Variants in LRBA observed in about 807,000 individuals in gnomAD.
LRBA encodes the protein LPS responsive beige-like anchor protein.
Under a neutral mutation model 330.0 loss-of-function variants are expected in LRBA, and 176 were observed. That is an observed-to-expected ratio of 0.53 (90% CI 0.47 to 0.60). LRBA has a LOEUF of 0.60. Among genes scored for constraint, LRBA ranks in the 20% least tolerant of loss-of-function variants. The probability of loss-of-function intolerance (pLI) is 0.00; values close to 1 mark genes in which losing one functional copy is unlikely to be tolerated. For missense variants in LRBA, 3,259 were observed against 3,444.8 expected (o/e 0.95, Z 1.35); for synonymous variants, 1,230 against 1,193.0 (o/e 1.03, Z -0.64).
chr4:150,271,585 G>A (rs1161049726), intron 56 of LRBA, among the ~76,000 whole-genome samples: 4 of 140,370 alleles, frequency 2.8e-5, no homozygotes, highest in African/African-American at 1.2e-4. Flanking sequence ...CTCCCATGGA[G>A]CCCAGCAAGC....
At chr4:150,575,773 C>T (rs1770462254) in intron 40 of LRBA, among the ~76,000 whole-genome samples, 1 of 151,880 alleles carries the variant, frequency 6.6e-6, no homozygotes, top group African/African-American at 2.4e-5. Context: ...TCCTAAGAAA[C>T]ATATTCTACA....
At chr4:150,691,676 C>A (rs1423189433) in intron 36 of LRBA, among the ~76,000 whole-genome samples, 2 of 152,138 alleles carry the variant, frequency 1.3e-5, no homozygotes, top group African/African-American at 4.8e-5. Flanking sequence ...CTTACAGTAG[C>A]ATGTAGCAAT....
intron 30 of LRBA, among the ~76,000 whole-genome samples, chr4:150,823,457 C>A (rs1333889048): frequency 1.3e-5 from 2 of 152,052 alleles, no homozygotes; most frequent in Admixed American, 6.6e-5. Context: ...TGCATAAGTT[C>A]TGTAGCTTGA....
intron 40 of LRBA, among the ~76,000 whole-genome samples, chr4:150,562,449 A>C (rs1768487932): frequency 6.6e-6 from 1 of 152,174 alleles, no homozygotes; most frequent in African/African-American, 2.4e-5. Context: ...GATAATGGCA[A>C]TGTAAGTACA....
chr4:150,551,045 A>G (rs1766519699), intron 40 of LRBA, among the ~76,000 whole-genome samples: 1 of 152,130 alleles, frequency 6.6e-6, no homozygotes, highest in African/African-American at 2.4e-5. Flanking sequence ...CTGCCTTCAT[A>G]AATGGATTAA....
chr4:150,371,182 A>ATTTTTTTTTTT lies in LRBA; in HGVS notation c.7195-21034_7195-21024dup, dbSNP rs70937395. On this transcript the variant is annotated intron_variant, in intron 47 of 56. Coordinates refer to ENST00000651943, the MANE Select transcript of LRBA (RefSeq NM_001364905.1). ...AAAAGCATGAGCTGCAAGCTACTAAATTTTTTTTTTTTTTTTTTTTTTTTT... is the reference window on the plus strand; with the variant it reads ...AAAAGCATGAGCTGCAAGCTACTAAATTTTTTTTTTTTTTTTTTTTTTTTTTTTTTTTTTTT... 5.4e-4 allele frequency among the ~76,000 whole-genome samples: 50 copies of ATTTTTTTTTTT among 91,924 alleles called. 4 individuals carry two copies. The highest frequency in any genetic ancestry group is 2.2e-3 in the African/African-American group (46 of 20,824). The allele number at this position is 91,924 out of a possible 152,430, so 60.3% of individuals were successfully genotyped here. A position where few individuals can be genotyped will look rare whatever the true frequency, so the allele number is the denominator to read the frequency against.
intron 34 of LRBA, among the ~76,000 whole-genome samples, chr4:150,763,945 C>T (rs186532976): frequency 6.6e-6 from 1 of 151,978 alleles, no homozygotes; most frequent in East Asian, 1.9e-4. Flanking sequence ...GATGCCACAG[C>T]CAAACAACAC....
chr4:150,461,102 G>A (rs1754718299), intron 44 of LRBA, among the ~76,000 whole-genome samples: 1 of 151,670 alleles, frequency 6.6e-6, no homozygotes, highest in Admixed American at 6.6e-5. Context: ...CATAACCTGG[G>A]ATAAAGACAA....
chr4:150,586,508 G>GA (rs1406123989), intron 40 of LRBA, among the ~76,000 whole-genome samples: 1 of 152,124 alleles, frequency 6.6e-6, no homozygotes, highest in Non-Finnish European at 1.5e-5. Flanking sequence ...GTAGCTGACT[G>GA]AAAAATTGTT....
intron 29 of LRBA, 59 bp from the exon 30 acceptor site, chr4:150,828,680 A>T: frequency 7.0e-7 from 1 of 1,427,366 alleles, no homozygotes; most frequent in South Asian, 1.3e-5. Flanking sequence ...CTAATTTTTA[A>T]AAGGTATATT....
At chr4:150,830,180 G>A in intron 29 of LRBA, among the ~76,000 whole-genome samples, 1 of 152,228 alleles carries the variant, frequency 6.6e-6, no homozygotes, top group South Asian at 2.1e-4. Flanking sequence ...CCCTTGACAA[G>A]CCCTTGAATC....
intron 2 of LRBA, among the ~76,000 whole-genome samples, chr4:150,932,699 T>C (rs1232302957): frequency 1.3e-5 from 2 of 152,066 alleles, no homozygotes; most frequent in African/African-American, 4.8e-5. Flanking sequence ...GTGGATCCCT[T>C]GAGCGCAGGA....
chr4:150,395,704 T>C (rs1045236578), intron 47 of LRBA, among the ~76,000 whole-genome samples: 1 of 152,134 alleles, frequency 6.6e-6, no homozygotes, highest in Admixed American at 6.6e-5. Flanking sequence ...CCAAGCCTCA[T>C]CCCTGGCTAT....
intron 40 of LRBA, among the ~76,000 whole-genome samples, chr4:150,563,840 C>A (rs1768745524): frequency 6.6e-6 from 1 of 152,048 alleles, no homozygotes. Context: ...ATGTGAAGAA[C>A]CTCCTCAAGG....
intron 2 of LRBA, among the ~76,000 whole-genome samples, chr4:151,010,042 CG>C (rs1389187698): frequency 6.6e-6 from 1 of 151,508 alleles, no homozygotes; most frequent in Non-Finnish European, 1.5e-5. Flanking sequence ...TTAAAGTATA[CG>C]GAAGATACAT....
intron 36 of LRBA, chr4:150,721,306 T>G (rs1728895480): frequency 1.5e-5 from 5 of 344,148 alleles, no homozygotes; most frequent in Non-Finnish European, 2.8e-5. Context: ...CCCTGGGAAG[T>G]GAAAGTACTT....
chr4:150,461,003 A>G (rs1019675112), intron 44 of LRBA, among the ~76,000 whole-genome samples: 1 of 151,868 alleles, frequency 6.6e-6, no homozygotes, highest in African/African-American at 2.4e-5. Flanking sequence ...GAATGAACAA[A>G]TGAATAAGCA....
At chr4:150,969,598 G>A (rs1392931775) in intron 2 of LRBA, among the ~76,000 whole-genome samples, 1 of 152,188 alleles carries the variant, frequency 6.6e-6, no homozygotes, top group East Asian at 1.9e-4. Context: ...CACCCAGGTA[G>A]CTAGGACTAC....
Position 150,683,849 on chromosome 4 carries a change from CTG to C in LRBA, c.5755-134_5755-133del, listed in dbSNP as rs2126917279. The C allele has an allele frequency of 6.3e-6, 4 of 636,342 alleles. No individual in the cohort carries two copies. The East Asian group carries it at 1.1e-4, about 18-fold the overall frequency. 39.4% of individuals were successfully genotyped at this position (636,342 alleles called of 1,614,324 possible). On this transcript the variant is annotated intron_variant, in intron 36 of 56. Transcript: ENST00000651943. ...ACTTTTACATTCCTCATTCACCTAA[CTG>C]AGATTTAGTGATCTGCTGTCTCAAT...
Sources: allele counts gnomAD v4.1 joint callset (sites outside exome capture counted in the v4.1 genomes callset), GRCh38; gene constraint gnomAD v4.1.1; transcripts MANE v1.5; gene names NCBI Gene and HGNC (gene_info 2026-07-23, HGNC 2026-07-21).